FOXP1: variants seen among roughly 807,000 people sequenced by gnomAD.
FOXP1 encodes the protein forkhead box protein P1.
FOXP1 carries 15 observed loss-of-function variants against 98.2 expected under a neutral mutation model. That is an observed-to-expected ratio of 0.15 (90% CI 0.10 to 0.24). The LOEUF (loss-of-function observed/expected upper bound fraction) is 0.24. Among genes scored for constraint, FOXP1 ranks in the 10% least tolerant of loss-of-function variants. FOXP1 has a pLI of 1.00. For synonymous variants in FOXP1, 371 were observed against 314.5 expected (o/e 1.18, Z -1.90); for missense variants, 633 against 848.5 (o/e 0.75, Z 3.15).
At chr3:71,016,906 T>G (rs2044578360) in intron 11 of FOXP1, among the ~76,000 whole-genome samples, 1 of 152,098 alleles carries the variant, frequency 6.6e-6, no homozygotes, top group Non-Finnish European at 1.5e-5. Context: ...CAAAGATCAT[T>G]ACGTCTCCCT....
At chr3:71,066,086 G>T in intron 7 of FOXP1, among the ~76,000 whole-genome samples, 1 of 73,490 alleles carries the variant, frequency 1.4e-5, no homozygotes, top group Non-Finnish European at 2.6e-5. Context: ...ATGCCTATTT[G>T]CCTTCAAAAA....
intron 6 of FOXP1, among the ~76,000 whole-genome samples, chr3:71,191,573 T>G (rs573602204): frequency 4.9e-4 from 74 of 152,270 alleles, no homozygotes; most frequent in Non-Finnish European, 3.5e-4. Flanking sequence ...GACACATAAC[T>G]GTTTAGTAAT....
intron 5 of FOXP1, among the ~76,000 whole-genome samples, chr3:71,279,730 A>G (rs973779828): frequency 7.2e-5 from 11 of 152,128 alleles, no homozygotes; most frequent in Non-Finnish European, 1.3e-4. Context: ...TGTTACAGAG[A>G]GATATGGGTA....
At chr3:71,442,954 C>T (rs919678877) in intron 3 of FOXP1, among the ~76,000 whole-genome samples, 3 of 152,114 alleles carry the variant, frequency 2.0e-5, no homozygotes, top group Non-Finnish European at 4.4e-5. Context: ...TGCAGTGGCG[C>T]GATCTCAGCT....
intron 3 of FOXP1, among the ~76,000 whole-genome samples, chr3:71,472,826 A>G (rs1041496617): frequency 2.0e-5 from 3 of 152,208 alleles, no homozygotes; most frequent in Non-Finnish European, 4.4e-5. Context: ...ACTCCCCAAG[A>G]TATGTCTAGC....
chr3:71,371,043 C>T (rs2079276889), intron 3 of FOXP1, among the ~76,000 whole-genome samples: 1 of 152,072 alleles, frequency 6.6e-6, no homozygotes, highest in Non-Finnish European at 1.5e-5. Flanking sequence ...TCCCTGTAAT[C>T]CCCTGCCAGG....
intron 4 of FOXP1, among the ~76,000 whole-genome samples, chr3:71,301,780 C>T (rs965874399): frequency 6.6e-6 from 1 of 152,148 alleles, no homozygotes; most frequent in African/African-American, 2.4e-5. Context: ...TGCATTTGAA[C>T]CTGCGGAACA....
chr3:71,322,972 CTTT>C (rs879670656), intron 4 of FOXP1, among the ~76,000 whole-genome samples: 2 of 139,970 alleles, frequency 1.4e-5, no homozygotes, highest in Non-Finnish European at 3.1e-5. Context: ...AAGCTCGGTA[CTTT>C]TTTTTTTTTT....
chr3:71,033,602 C>CAAAGAAAAAAAA (rs2047167607), intron 11 of FOXP1, among the ~76,000 whole-genome samples: 1 of 70,640 alleles, frequency 1.4e-5, no homozygotes, highest in East Asian at 5.0e-4. Context: ...AGTGAACAGT[C>CAAAGAAAAAAAA]AAAAAAAAAA....
chr3:71,114,209 A>T (rs2058181055), intron 6 of FOXP1, among the ~76,000 whole-genome samples: 1 of 152,252 alleles, frequency 6.6e-6, no homozygotes, highest in African/African-American at 2.4e-5. Context: ...AAAAAGGAAC[A>T]GGTGCTTCAT....
chr3:71,351,105 A>G (rs370583840), intron 4 of FOXP1, among the ~76,000 whole-genome samples: 9 of 152,172 alleles, frequency 5.9e-5, no homozygotes, highest in East Asian at 3.8e-4. Context: ...GAGTTGCTAC[A>G]AAAACAGACT....
chr3:71,220,458 TGAGG>T (rs1313776311), intron 5 of FOXP1, among the ~76,000 whole-genome samples: 1 of 152,014 alleles, frequency 6.6e-6, no homozygotes, highest in Non-Finnish European at 1.5e-5. Flanking sequence ...AGTCAGATGG[TGAGG>T]GGAGGGCCAG....
intron 3 of FOXP1, among the ~76,000 whole-genome samples, chr3:71,458,062 C>T (rs2087671762): frequency 6.6e-6 from 1 of 152,164 alleles, no homozygotes; most frequent in Admixed American, 6.5e-5. Flanking sequence ...TTCCAGAAAC[C>T]AGCTCCCCTA....
At chr3:71,317,631 G>A (rs2075154047) in intron 4 of FOXP1, among the ~76,000 whole-genome samples, 1 of 151,920 alleles carries the variant, frequency 6.6e-6, no homozygotes. Context: ...AAACACAGAT[G>A]CTAGGCCCCA....
chr3:71,512,047 T>C (rs1310897617), intron 2 of FOXP1, among the ~76,000 whole-genome samples: 3 of 152,190 alleles, frequency 2.0e-5, no homozygotes, highest in Non-Finnish European at 4.4e-5. Context: ...ACATAGATTT[T>C]CCCATTTGGT....
intron 4 of FOXP1, among the ~76,000 whole-genome samples, chr3:71,319,561 C>G (rs1184660959): frequency 6.6e-6 from 1 of 152,122 alleles, no homozygotes; most frequent in Non-Finnish European, 1.5e-5. Context: ...GCCCCCTACT[C>G]TCTCCTCCCT....
intron 4 of FOXP1, among the ~76,000 whole-genome samples, chr3:71,310,052 T>A (rs2074575687): frequency 6.6e-6 from 1 of 152,256 alleles, no homozygotes. Flanking sequence ...AGTCAGCACA[T>A]TCACTGGAAT....
chr3:71,345,101 C>CA, intron 4 of FOXP1, among the ~76,000 whole-genome samples: 1 of 151,390 alleles, frequency 6.6e-6, no homozygotes, highest in African/African-American at 2.4e-5. Flanking sequence ...TAAAATATAC[C>CA]AAAAAAGGCT....
chr3:71,305,377 A>G (rs1576881703), intron 4 of FOXP1, among the ~76,000 whole-genome samples: 1 of 152,118 alleles, frequency 6.6e-6, no homozygotes, highest in East Asian at 1.9e-4. Flanking sequence ...CGCCTCTCTG[A>G]GCATCATGGC....
Sources: gnomAD v4.1 joint callset for allele counts (sites outside exome capture counted in the v4.1 genomes callset) on GRCh38, gnomAD v4.1.1 for gene constraint, MANE v1.5 for transcripts, NCBI Gene and HGNC (gene_info 2026-07-23, HGNC 2026-07-21) for gene names.